Variants in SLC44A1 observed in about 807,000 individuals in gnomAD.
SLC44A1 encodes the protein solute carrier family 44 member 1, also known as choline transporter-like protein 1.
SLC44A1 carries 26 observed loss-of-function variants against 79.3 expected under a neutral mutation model. The ratio of observed to expected loss-of-function variants is 0.33; its 90% CI spans 0.24 to 0.46. SLC44A1 has a LOEUF of 0.46. SLC44A1 is among the 20% of genes least tolerant of loss of function. The pLI is 1.00. For missense variants in SLC44A1, 688 were observed against 798.1 expected (o/e 0.86, Z 1.66); for synonymous variants, 263 against 286.2 (o/e 0.92, Z 0.82).
chr9:105,417,715 G>A (rs1829189320), intron 15 of SLC44A1, among the ~76,000 whole-genome samples: 1 of 151,834 alleles, frequency 6.6e-6, no homozygotes, highest in African/African-American at 2.4e-5. Context: ...CAGAAGGCCA[G>A]GAAGCAGCCA....
intron 15 of SLC44A1, among the ~76,000 whole-genome samples, chr9:105,408,400 CATTT>C (rs1223426889): frequency 2.2e-5 from 3 of 137,946 alleles, no homozygotes; most frequent in African/African-American, 6.9e-5. Flanking sequence ...GTTTGTCACT[CATTT>C]GTTGTTGTTG....
intron 7 of SLC44A1, among the ~76,000 whole-genome samples, chr9:105,359,999 T>C (rs1253568225): frequency 3.3e-5 from 5 of 152,092 alleles, no homozygotes; most frequent in Non-Finnish European, 5.9e-5. Flanking sequence ...CACACACACA[T>C]GTCTCTACTC....
intron 4 of SLC44A1, among the ~76,000 whole-genome samples, chr9:105,338,656 C>G (rs970219574): frequency 7.2e-5 from 11 of 152,182 alleles, no homozygotes; most frequent in Non-Finnish European, 1.6e-4. Context: ...TTAAGCGATC[C>G]TCCCTCCTCG....
At chr9:105,412,566 G>A (rs781279774) in intron 15 of SLC44A1, among the ~76,000 whole-genome samples, 8 of 152,080 alleles carry the variant, frequency 5.3e-5, no homozygotes, top group Non-Finnish European at 1.2e-4. Context: ...TGATAATAGC[G>A]ACCACATGAT....
Position 105,362,943 on chromosome 9 carries a change from T to A in SLC44A1, c.1023T>A (p.Thr341=), listed in dbSNP as rs141625866. ...LPLLVFQPFW[T]FFALVLFWVY... ...TGCTAGTCTTCCAACCCTTCTGGACTTTCTTTGCTCTTGTCTTGTTTTGGG... is the reference window on the plus strand; with the variant it reads ...TGCTAGTCTTCCAACCCTTCTGGACATTCTTTGCTCTTGTCTTGTTTTGGG... Residue 341 remains threonine (T), a synonymous_variant, in exon 9 of 16, where the codon ACT becomes ACA. Coordinates refer to ENST00000374720, the MANE Select transcript of SLC44A1 (RefSeq NM_080546.5). 21 of 1,613,948 alleles carry A rather than the reference T, an allele frequency of 1.3e-5. No homozygotes were observed. The highest frequency in any genetic ancestry group is 1.7e-5 in the Non-Finnish European group (20 of 1,179,930).
intron 14 of SLC44A1, among the ~76,000 whole-genome samples, chr9:105,385,168 A>G (rs1435384958): frequency 2.0e-5 from 3 of 152,202 alleles, no homozygotes; most frequent in African/African-American, 7.2e-5. Context: ...TAGAACTAAC[A>G]TTATCTCTTG....
At chr9:105,325,979 T>C (rs1014235115) in intron 3 of SLC44A1, among the ~76,000 whole-genome samples, 2 of 148,516 alleles carry the variant, frequency 1.3e-5, no homozygotes, top group Non-Finnish European at 2.9e-5. Context: ...CCATGACACA[T>C]ATTATTTCTC....
intron 7 of SLC44A1, among the ~76,000 whole-genome samples, 196 bp from the exon 8 acceptor site, chr9:105,360,995 G>A (rs1043158162): frequency 2.0e-5 from 3 of 152,196 alleles, no homozygotes; most frequent in Non-Finnish European, 2.9e-5. Flanking sequence ...AATGCTTAAT[G>A]TGGAGGATGA....
Position 105,356,371 on chromosome 9 carries a change from G to T in SLC44A1, c.660G>T (p.Leu220Phe). ...TSKEIILGLCLLSLVLSMILM... is the reference protein window; with the variant it reads ...TSKEIILGLCFLSLVLSMILM... ...AAGAAATTATATTGGGACTTTGCTT[G>T]TTATCACTAGGTAATTGTTTTTCTC... Residue 220 changes from leucine (L) to phenylalanine (F), a missense_variant, in exon 6 of 16, where the codon TTG (leucine) becomes TTT (phenylalanine). Coordinates refer to ENST00000374720, the MANE Select transcript of SLC44A1 (RefSeq NM_080546.5). 6.3e-7 allele frequency: 1 copy of T among 1,592,398 alleles called. No homozygotes were observed. Among genetic ancestry groups the T allele is most frequent in the Non-Finnish European group, 8.6e-7 (1 of 1,169,256 alleles).
At position 105,394,844 on chromosome 9, in the gene SLC44A1, G is replaced by A. The variant is rs1828843976; in HGVS notation, c.*5788G>A. ...TCACGGAGGTGTGTTCTGTTTTAGT[G>A]TTTTCCAGTCACCCACTAGAGCAGC... On this transcript the variant is annotated 3_prime_UTR_variant, in exon 16 of 16. Coordinates refer to ENST00000374720, the MANE Select transcript of SLC44A1 (RefSeq NM_080546.5). 2 of 985,258 alleles carry A rather than the reference G, an allele frequency of 2.0e-6. No homozygotes were observed. Among genetic ancestry groups the A allele is most frequent in the Admixed American group, 1.2e-4 (2 of 16,260 alleles). The allele number at this position is 985,258 out of a possible 1,614,324, so 61.0% of individuals were successfully genotyped here. A position where few individuals can be genotyped will look rare whatever the true frequency, so the allele number is the denominator to read the frequency against.
At chr9:105,374,091 T>C (rs1473300875) in intron 12 of SLC44A1, among the ~76,000 whole-genome samples, 1 of 152,132 alleles carries the variant, frequency 6.6e-6, no homozygotes, top group Non-Finnish European at 1.5e-5. Flanking sequence ...ATGCCAGCCA[T>C]CAAAGAGCTA....
At chr9:105,256,244 T>C (rs1829703181) in intron 1 of SLC44A1, among the ~76,000 whole-genome samples, 1 of 152,120 alleles carries the variant, frequency 6.6e-6, no homozygotes, top group Non-Finnish European at 1.5e-5. Flanking sequence ...ACTCCTGAGC[T>C]CAAGTGATCT....
Position 105,280,646 on chromosome 9 carries a change from A to G in SLC44A1, c.37-18574A>G, listed in dbSNP as rs140513253. 5.4e-3 allele frequency among the ~76,000 whole-genome samples: 816 copies of G among 152,336 alleles called. 5 individuals are homozygous for G. Among genetic ancestry groups the G allele is most frequent in the African/African-American group, 0.019 (791 of 41,580 alleles). ...AGCTGAAGAGCTTTAAAGTGTTGAG[A>G]CAAGGTCTAAAGTCAAGTTGATTTG... On this transcript the variant is annotated intron_variant, in intron 1 of 15. Transcript: ENST00000374720.
intron 15 of SLC44A1, among the ~76,000 whole-genome samples, chr9:105,422,591 C>T (rs1031568454): frequency 6.6e-6 from 1 of 152,014 alleles, no homozygotes; most frequent in African/African-American, 2.4e-5. Context: ...CAGCCCCATC[C>T]TTTATCAGCG....
At chr9:105,385,629 C>T in intron 15 of SLC44A1, 127 bp downstream of exon 15, 1 of 1,455,288 alleles carries the variant, frequency 6.9e-7, no homozygotes. Context: ...GGACATGCTG[C>T]TCTTTCTGTT....
At chr9:105,307,507 G>T (rs1044643903) in intron 2 of SLC44A1, among the ~76,000 whole-genome samples, 3 of 152,096 alleles carry the variant, frequency 2.0e-5, no homozygotes, top group African/African-American at 7.2e-5. Flanking sequence ...AGCTGCATGT[G>T]GTGGTGCATG....
chr9:105,356,142 T>A, intron 5 of SLC44A1, 70 bp from the exon 6 acceptor site: 1 of 1,167,354 alleles, frequency 8.6e-7, no homozygotes, highest in Non-Finnish European at 1.3e-6. Context: ...CTTTCATTTG[T>A]GTGTTTGATG....
chr9:105,433,155 G>A (rs1233989101), intron 15 of SLC44A1, among the ~76,000 whole-genome samples: 1 of 152,090 alleles, frequency 6.6e-6, no homozygotes, highest in Non-Finnish European at 1.5e-5. Flanking sequence ...AATTAGCCGG[G>A]TATGGTAGTG....
intron 5 of SLC44A1, 117 bp downstream of exon 5, chr9:105,348,568 T>C: frequency 3.4e-6 from 2 of 589,262 alleles, no homozygotes; most frequent in East Asian, 6.3e-5. Context: ...GGTCCAATAC[T>C]TTTATTAAAA....
Sources: allele counts gnomAD v4.1 joint callset (sites outside exome capture counted in the v4.1 genomes callset), GRCh38; gene constraint gnomAD v4.1.1; transcripts MANE v1.5; gene names NCBI Gene and HGNC (gene_info 2026-07-23, HGNC 2026-07-21).